Variants in LRPAP1 observed in about 807,000 individuals in gnomAD.
LRPAP1 encodes LDL receptor related protein associated protein 1.
In LRPAP1, 41 loss-of-function variants were observed where a neutral mutation model predicts 39.9. The observed-to-expected ratio is 1.03, with a 90% CI of 0.80 to 1.33. The LOEUF is 1.33. LRPAP1 is among the 40% of genes most tolerant of loss of function. The probability of loss-of-function intolerance (pLI) is 0.00; values close to 1 mark genes in which losing one functional copy is unlikely to be tolerated. For synonymous variants in LRPAP1, 263 were observed against 212.7 expected (o/e 1.24, Z -2.06); for missense variants, 565 against 482.3 (o/e 1.17, Z -1.61).
chr4:3,528,880 G>A (rs1172260358), intron 1 of LRPAP1, among the ~76,000 whole-genome samples: 1 of 152,192 alleles, frequency 6.6e-6, no homozygotes, highest in Non-Finnish European at 1.5e-5. Context: ...CATCCTCAGA[G>A]GCCCTTCTCA....
chr4:3,531,655 G>C (rs942348935), intron 1 of LRPAP1, among the ~76,000 whole-genome samples: 1 of 152,166 alleles, frequency 6.6e-6, no homozygotes, highest in Non-Finnish European at 1.5e-5. Context: ...GAGAGGTCAG[G>C]TGAGCGCCCT....
Position 3,521,250 on chromosome 4 carries a change from G to C in LRPAP1, c.350-1057C>G, listed in dbSNP as rs529440417. ...AGAATGGGGTCCTGCCTTCCCCTCC[G>C]GGCCGAGAGGGCCCCGAGTAGGCCT... On this transcript the variant is annotated intron_variant, in intron 2 of 7. Transcript: ENST00000650182. Among the ~76,000 whole-genome samples the C allele has an allele frequency of 2.2e-4, 34 of 152,302 alleles. 1 individual carries two copies. Among genetic ancestry groups the C allele is most frequent in the Admixed American group, 1.8e-3 (27 of 15,308 alleles).
At position 3,531,987 on chromosome 4, in the gene LRPAP1, T is replaced by C. The variant is rs1730268865; in HGVS notation, c.204+222A>G. On this transcript the variant is annotated intron_variant, in intron 1 of 7. Coordinates refer to ENST00000650182, the MANE Select transcript of LRPAP1 (RefSeq NM_002337.4). ...CCTCGGGGTGCCGGCCGCCACCTGC[T>C]TCACACGGCGTCGTCGCCGGCACGG... The C allele has an allele frequency of 5.0e-6, 3 of 594,738 alleles. No homozygotes were observed. In the South Asian group the frequency reaches 6.3e-5, roughly 12 times the overall value. The allele number at this position is 594,738 out of a possible 1,614,324, so 36.8% of individuals were successfully genotyped here. A position where few individuals can be genotyped will look rare whatever the true frequency, so the allele number is the denominator to read the frequency against.
At chr4:3,526,802 C>CA (rs1394627740) in intron 1 of LRPAP1, among the ~76,000 whole-genome samples, 1 of 152,214 alleles carries the variant, frequency 6.6e-6, no homozygotes, top group African/African-American at 2.4e-5. Flanking sequence ...GACCCCTGAC[C>CA]ACAGGCCCTG....
At chr4:3,522,574 TCCCTGC>T (rs1729944339) in intron 2 of LRPAP1, among the ~76,000 whole-genome samples, 1 of 95,038 alleles carries the variant, frequency 1.1e-5, no homozygotes. Context: ...CACCCCACAC[TCCCTGC>T]CTGGGGAAGT....
intron 1 of LRPAP1, chr4:3,531,878 G>A: frequency 5.1e-6 from 2 of 393,496 alleles, no homozygotes; most frequent in Admixed American, 4.3e-5. Context: ...AAAGGCTCGG[G>A]AGGCAGGAGA....
At chr4:3,518,241 CCTGCCCAGACCACTGT>C in intron 4 of LRPAP1, 49 bp from the exon 5 acceptor site, 1 of 1,561,880 alleles carries the variant, frequency 6.4e-7, no homozygotes, top group Non-Finnish European at 8.7e-7. Context: ...CCTCGCACTG[CCTGCCCAGACCACTGT>C]CTAGAACGCC....
intron 1 of LRPAP1, 45 bp downstream of exon 1, chr4:3,532,164 C>A (rs2108700949): frequency 6.5e-7 from 1 of 1,541,534 alleles, no homozygotes; most frequent in South Asian, 1.2e-5. Flanking sequence ...CCAACCACGG[C>A]CCCCGCCCCC....
intron 5 of LRPAP1, among the ~76,000 whole-genome samples, chr4:3,516,566 T>TG (rs1729712773): frequency 6.6e-6 from 1 of 152,080 alleles, no homozygotes; most frequent in Non-Finnish European, 1.5e-5. Flanking sequence ...GGACCTCGGG[T>TG]GGGGGCACCT....
rs1729531678 is a variant in LRPAP1 at position 3,511,867 on chromosome 4, G to T, written c.*1107C>A. ...CAGAGCCGGACCCGAGCCTCTTCCAGGCTCAGACACGGGAAGGGAACCACG... is the reference window on the plus strand; with the variant it reads ...CAGAGCCGGACCCGAGCCTCTTCCATGCTCAGACACGGGAAGGGAACCACG... On this transcript the variant is annotated 3_prime_UTR_variant, in exon 8 of 8. Transcript: ENST00000650182. The T allele has an allele frequency of 7.2e-6, 1 of 139,604 alleles. No individual in the cohort carries two copies. Among genetic ancestry groups the T allele is most frequent in the African/African-American group, 2.7e-5 (1 of 36,444 alleles). 8.6% of individuals were successfully genotyped at this position (139,604 alleles called of 1,614,324 possible). A position where few individuals can be genotyped will look rare whatever the true frequency, so the allele number is the denominator to read the frequency against.
At position 3,518,043 on chromosome 4, in the gene LRPAP1, T is replaced by A. The variant is rs1380768382; in HGVS notation, c.742A>T (p.Thr248Ser). 3.7e-6 allele frequency: 6 copies of A among 1,609,112 alleles called. No homozygotes were observed. The highest frequency in any genetic ancestry group is 8.5e-7 in the Non-Finnish European group (1 of 1,178,926). The change falls in exon 5 of 8, where the codon ACT (threonine) becomes TCT (serine). Residue 248 changes from threonine to serine, a missense_variant. Coordinates refer to ENST00000650182, the MANE Select transcript of LRPAP1 (RefSeq NM_002337.4). ...CCGGGCGGGCACTCACCAGCCTCAG[T>A]GCTGTAGCCCTGGTGGCTGACCCTG... ...LRRVSHQGYSTEAEFEEPRVI... is the reference protein window; with the variant it reads ...LRRVSHQGYSSEAEFEEPRVI...
intron 7 of LRPAP1, 54 bp downstream of exon 7, chr4:3,514,698 T>C: frequency 6.5e-7 from 1 of 1,542,968 alleles, no homozygotes; most frequent in Non-Finnish European, 8.7e-7. Flanking sequence ...GTGGGCGGCC[T>C]CATCTTTCCT....
chr4:3,522,010 G>A (rs1340523892), intron 2 of LRPAP1, among the ~76,000 whole-genome samples: 1 of 152,186 alleles, frequency 6.6e-6, no homozygotes, highest in Non-Finnish European at 1.5e-5. Flanking sequence ...ACCGGCTGTG[G>A]GGGATGAGAA....
At position 3,525,050 on chromosome 4, in the gene LRPAP1, A is replaced by G. The variant is rs757389389; in HGVS notation, c.206T>C (p.Leu69Pro). ...GGCCAGCCTCACGGGAGGAAGATGC[A>G]GCTGCGAACGAAGGGGAGGAGCCTG... ...LNQLWEKAQR[L>P]HLPPVRLAEL... Residue 69 changes from leucine to proline, a missense_variant and splice_region_variant, in exon 2 of 8, where the codon CTG becomes CCG. Leu to Pro is a moderately conservative substitution (Grantham distance 98). Transcript: ENST00000650182. 20 of 1,613,944 alleles carry G rather than the reference A, an allele frequency of 1.2e-5. No individual in the cohort carries two copies. The highest frequency in any genetic ancestry group is 1.7e-5 in the Admixed American group (1 of 60,006).
In LRPAP1 at chr4:3,506,127, A is replaced by C. The variant is rs1236570087; in HGVS notation, c.*6847T>G. 1.3e-5 allele frequency among the ~76,000 whole-genome samples: 2 copies of C among 151,984 alleles called. No homozygotes were observed. The highest frequency in any genetic ancestry group is 3.8e-4 in the East Asian group (2 of 5,198). On this transcript the variant is annotated 3_prime_UTR_variant, in exon 8 of 8. Transcript: ENST00000650182. The stretch of plus-strand genomic sequence containing the variant: ...ATCCATGCTGGAGAGCAATGGCACG[A>C]TTTTGGCTCACTGCAAACTCTGTCT...
chr4:3,515,023 G>T, intron 6 of LRPAP1, 95 bp from the exon 7 acceptor site: 1 of 1,402,198 alleles, frequency 7.1e-7, no homozygotes, highest in Non-Finnish European at 9.9e-7. Flanking sequence ...AAAGGACGGC[G>T]CCATACCCGG....
At chr4:3,516,019 A>T (rs138493591) in intron 6 of LRPAP1, 97 bp downstream of exon 6, 1 of 1,169,454 alleles carries the variant, frequency 8.6e-7, no homozygotes, top group Admixed American at 2.2e-5. Flanking sequence ...CTTGAGAGAG[A>T]GAGCTTGGAG....
rs1230364908 is a variant in LRPAP1 at position 3,505,869 on chromosome 4, C to T, written c.*7105G>A. On this transcript the variant is annotated 3_prime_UTR_variant, in exon 8 of 8. Transcript: ENST00000650182. ...GATGACCTTTCAGATGGATGCTGAC[C>T]CAGCAGGCTGGGCTGAGCTGGGACC... Among the ~76,000 whole-genome samples the T allele has an allele frequency of 6.6e-6, 1 of 152,174 alleles. No homozygotes were observed. Among genetic ancestry groups the T allele is most frequent in the Non-Finnish European group, 1.5e-5 (1 of 68,042 alleles).
intron 1 of LRPAP1, among the ~76,000 whole-genome samples, chr4:3,531,113 G>A (rs1380013455): frequency 6.6e-6 from 1 of 151,984 alleles, no homozygotes; most frequent in African/African-American, 2.4e-5. Context: ...CCGCCCTGCC[G>A]CTCCAGCCCA....
Sources: allele counts gnomAD v4.1 joint callset (sites outside exome capture counted in the v4.1 genomes callset), GRCh38; gene constraint gnomAD v4.1.1; transcripts MANE v1.5; gene names NCBI Gene and HGNC (gene_info 2026-07-23, HGNC 2026-07-21).